The following PLCG2 variants were observed in gnomAD, a reference collection of about 807,000 sequenced individuals.
PLCG2 encodes the protein phospholipase C gamma 2, also known as 1-phosphatidylinositol 4,5-bisphosphate phosphodiesterase gamma-2.
PLCG2 carries 69 observed loss-of-function variants against 175.6 expected under a neutral mutation model. The observed-to-expected ratio is 0.39, with a 90% confidence interval of 0.32 to 0.48. The LOEUF (loss-of-function observed/expected upper bound fraction) is 0.48. Among genes scored for constraint, PLCG2 ranks in the 20% least tolerant of loss-of-function variants. The pLI is 0.91. For synonymous variants in PLCG2, 827 were observed against 624.0 expected (o/e 1.33, Z -4.85); for missense variants, 1,798 against 1,650.9 (o/e 1.09, Z -1.54).
At chr16:81,880,319 C>A (rs995921937) in intron 7 of PLCG2, among the ~76,000 whole-genome samples, 3 of 152,198 alleles carry the variant, frequency 2.0e-5, no homozygotes, top group African/African-American at 7.2e-5. Context: ...TTTGAGAGCA[C>A]CTTGGCAGAA....
chr16:81,892,364 G>C (rs978023896), intron 11 of PLCG2, among the ~76,000 whole-genome samples: 13 of 152,202 alleles, frequency 8.5e-5, no homozygotes, highest in Non-Finnish European at 1.8e-4. Context: ...ACAGGATGTT[G>C]CGCTGATGTT....
chr16:81,811,829 TA>T (rs1567476781), intron 2 of PLCG2, among the ~76,000 whole-genome samples: 3 of 151,186 alleles, frequency 2.0e-5, no homozygotes, highest in African/African-American at 7.4e-5. Context: ...GCAATAAACA[TA>T]TGTGTGCATG....
At chr16:81,784,599 G>T (rs896337556) in intron 1 of PLCG2, among the ~76,000 whole-genome samples, 1 of 152,160 alleles carries the variant, frequency 6.6e-6, no homozygotes, top group African/African-American at 2.4e-5. Context: ...GGACTTGGAG[G>T]GAAAGGAGGA....
chr16:81,921,555 T>C (rs2143687985), intron 21 of PLCG2: 1 of 432,020 alleles, frequency 2.3e-6, no homozygotes, highest in South Asian at 2.1e-5. Context: ...GTCTTTCAAA[T>C]GTTTTTGGCT....
At chr16:81,767,734 C>G (rs952524644) in intron 2 of PLCG2, 1 of 152,298 alleles carries the variant, frequency 6.6e-6, no homozygotes, top group East Asian at 1.9e-4. Flanking sequence ...CACCCCTCCC[C>G]AATTCCCTTA....
chr16:81,815,772 C>G (rs1301273934), intron 2 of PLCG2, among the ~76,000 whole-genome samples: 2 of 152,170 alleles, frequency 1.3e-5, no homozygotes, highest in Admixed American at 6.5e-5. Context: ...ATTGAGCAGT[C>G]TTAAATGACC....
intron 2 of PLCG2, among the ~76,000 whole-genome samples, chr16:81,841,204 C>CTTTATTTA (rs144363484): frequency 8.3e-4 from 120 of 144,734 alleles, no homozygotes; most frequent in Middle Eastern, 3.4e-3. Flanking sequence ...AAAAAGTAAA[C>CTTTATTTA]TTTATTTATT....
chr16:81,902,095 C>G (rs1027472436), intron 14 of PLCG2, among the ~76,000 whole-genome samples: 5 of 152,202 alleles, frequency 3.3e-5, no homozygotes, highest in Non-Finnish European at 2.9e-5. Flanking sequence ...TTCTGGTAAG[C>G]AAGTCAGCTG....
chr16:81,931,220 C>A (rs551532903), intron 24 of PLCG2: 1 of 253,548 alleles, frequency 3.9e-6, no homozygotes, highest in South Asian at 1.4e-4. Context: ...AGATCCTTAA[C>A]CTAAGTACAT....
chr16:81,889,764 C>G (rs1285992468), intron 10 of PLCG2, among the ~76,000 whole-genome samples: 1 of 152,130 alleles, frequency 6.6e-6, no homozygotes, highest in African/African-American at 2.4e-5. Flanking sequence ...AAGTGATTCT[C>G]GTGCCTCAGC....
At chr16:81,796,495 C>T (rs972708221) in intron 2 of PLCG2, among the ~76,000 whole-genome samples, 6 of 152,190 alleles carry the variant, frequency 3.9e-5, no homozygotes, top group South Asian at 2.1e-4. Context: ...GTCTGGCTCC[C>T]GGGCTGTGGG....
chr16:81,938,002 C>T (rs1358148452), intron 28 of PLCG2, 99 bp downstream of exon 28: 5 of 1,140,294 alleles, frequency 4.4e-6, no homozygotes, highest in African/African-American at 1.5e-5. Context: ...TCTAGGGAGG[C>T]TGGTTGTCTT....
At chr16:81,797,941 C>T (rs1911547776) in intron 2 of PLCG2, among the ~76,000 whole-genome samples, 1 of 151,766 alleles carries the variant, frequency 6.6e-6, no homozygotes, top group South Asian at 2.1e-4. Flanking sequence ...AGCAATTATT[C>T]TGCCTCAGCC....
chr16:81,919,858 A>G (rs905585813), intron 20 of PLCG2, among the ~76,000 whole-genome samples, 194 bp downstream of exon 20: 1 of 152,184 alleles, frequency 6.6e-6, no homozygotes, highest in African/African-American at 2.4e-5. Flanking sequence ...AGATGCAACA[A>G]ATGACATTTA....
intron 2 of PLCG2, among the ~76,000 whole-genome samples, chr16:81,757,970 C>CTGTTT (rs1276695027): frequency 1.3e-5 from 2 of 151,846 alleles, no homozygotes; most frequent in East Asian, 3.9e-4. Flanking sequence ...GTTATTGTTG[C>CTGTTT]TGTTTTGTTT....
At chr16:81,855,963 C>G (rs1025652360) in intron 3 of PLCG2, among the ~76,000 whole-genome samples, 4 of 152,204 alleles carry the variant, frequency 2.6e-5, no homozygotes, top group African/African-American at 7.2e-5. Context: ...TTAGCCCCAC[C>G]TGCAGGCTGA....
chr16:81,847,203 A>G (rs1906166440), intron 2 of PLCG2, among the ~76,000 whole-genome samples: 1 of 152,254 alleles, frequency 6.6e-6, no homozygotes, highest in East Asian at 1.9e-4. Flanking sequence ...ATATTACAAA[A>G]GATAAAGATG....
At chr16:81,768,383 C>G (rs866937111) in intron 2 of PLCG2, among the ~76,000 whole-genome samples, 5 of 152,062 alleles carry the variant, frequency 3.3e-5, no homozygotes, top group African/African-American at 4.8e-5. Context: ...TTTCTGTGGA[C>G]ATATGTTTTC....
At chr16:81,866,809 C>T (rs547266219) in intron 5 of PLCG2, among the ~76,000 whole-genome samples, 12 of 152,360 alleles carry the variant, frequency 7.9e-5, no homozygotes, top group African/African-American at 2.9e-4. Flanking sequence ...CCCACGACCC[C>T]TCTCGCTGCC....
Sources: gnomAD v4.1 joint callset for allele counts (sites outside exome capture counted in the v4.1 genomes callset) on GRCh38, gnomAD v4.1.1 for gene constraint, MANE v1.5 for transcripts, NCBI Gene and HGNC (gene_info 2026-07-23, HGNC 2026-07-21) for gene names.